Variants in MICU1 observed in about 807,000 individuals in gnomAD.
The protein encoded by MICU1 is calcium uptake protein 1, mitochondrial.
In MICU1, 45 loss-of-function variants were observed where a neutral mutation model predicts 56.8. The observed-to-expected ratio is 0.79, with a 90% CI of 0.62 to 1.02. The LOEUF is 1.02. Among genes scored for constraint, MICU1 ranks in the 50% least tolerant of loss-of-function variants. The pLI is 0.00. For missense variants in MICU1, 504 were observed against 587.1 expected, an observed-to-expected ratio of 0.86 and a Z score of 1.46; for synonymous variants, 186 against 195.1, an observed-to-expected ratio of 0.95 and a Z score of 0.39.
Position 72,523,669 on chromosome 10 carries a change from A to G in MICU1, c.537+10077T>C, listed in dbSNP as rs541081744. On this transcript the variant is annotated intron_variant, in intron 5 of 11. Coordinates refer to ENST00000361114, the MANE Select transcript of MICU1 (RefSeq NM_001195518.2). ...GCTTAATTTATATTTAATTACTACAACTCAGTTTAATTTATATTTTTAAGA... is the reference window on the plus strand; with the variant it reads ...GCTTAATTTATATTTAATTACTACAGCTCAGTTTAATTTATATTTTTAAGA... 3.7e-5 allele frequency: 20 copies of G among 541,070 alleles called. No individual in the cohort carries two copies. In the Middle Eastern group the frequency reaches 1.6e-3, roughly 43 times the overall value. The allele number at this position is 541,070 out of a possible 1,614,324, so 33.5% of individuals were successfully genotyped here.
chr10:72,375,465 G>GTGC (rs1431172466), intron 11 of MICU1, among the ~76,000 whole-genome samples: 2 of 152,224 alleles, frequency 1.3e-5, no homozygotes, highest in African/African-American at 4.8e-5. Flanking sequence ...AGATACCTGA[G>GTGC]TGCTCCGTAT....
chr10:72,508,702 A>C (rs1311689151), intron 5 of MICU1: 3 of 152,784 alleles, frequency 2.0e-5, no homozygotes, highest in African/African-American at 7.2e-5. Flanking sequence ...GAAAGAAAGA[A>C]GTGAGCAACT....
rs1028791728 is a variant in MICU1 at position 72,601,248 on chromosome 10, C to T, written c.-2+24762G>A. ...ACCAGCCTGGGCAAAATAAGGAGAC[C>T]CTGTATCTACAAAAACTAAAAATAA... On this transcript the variant is annotated intron_variant, in intron 1 of 11. Coordinates refer to ENST00000361114, the MANE Select transcript of MICU1 (RefSeq NM_001195518.2). 3.3e-5 allele frequency among the ~76,000 whole-genome samples: 5 copies of T among 151,668 alleles called. No individual in the cohort carries two copies. The East Asian group carries it at 7.7e-4, about 23-fold the overall frequency.
At chr10:72,451,158 G>T (rs1385055485) in intron 8 of MICU1, among the ~76,000 whole-genome samples, 2 of 151,068 alleles carry the variant, frequency 1.3e-5, no homozygotes, top group East Asian at 1.9e-4. Context: ...CCAAGTAGCT[G>T]GGATTATGGG....
chr10:72,467,369 A>AGATG (rs1459448602), intron 8 of MICU1, among the ~76,000 whole-genome samples: 1 of 152,158 alleles, frequency 6.6e-6, no homozygotes, highest in East Asian at 1.9e-4. Flanking sequence ...TTTTTAGTAT[A>AGATG]GATGGGGTTT....
intron 4 of MICU1, among the ~76,000 whole-genome samples, chr10:72,548,354 C>T (rs1322658429): frequency 6.6e-6 from 1 of 152,140 alleles, no homozygotes; most frequent in Non-Finnish European, 1.5e-5. Context: ...TTTAAACAAA[C>T]CAACTGTAAC....
intron 1 of MICU1, among the ~76,000 whole-genome samples, chr10:72,573,322 A>AC (rs962871530): frequency 8.0e-5 from 12 of 149,222 alleles, no homozygotes; most frequent in African/African-American, 2.4e-4. Flanking sequence ...AAAAAAAAAA[A>AC]AAAAAAAAAA....
At chr10:72,458,290 T>C (rs1865536448) in intron 8 of MICU1, among the ~76,000 whole-genome samples, 1 of 152,200 alleles carries the variant, frequency 6.6e-6, no homozygotes, top group South Asian at 2.1e-4. Context: ...ATTAATGTTA[T>C]ATGATGTCCA....
intron 8 of MICU1, among the ~76,000 whole-genome samples, chr10:72,435,385 CAA>C (rs34955776): frequency 1.1e-3 from 53 of 48,058 alleles, no homozygotes; most frequent in African/African-American, 2.3e-3. Context: ...GACCCTGTTA[CAA>C]AAAAAAAAAA....
intron 6 of MICU1, among the ~76,000 whole-genome samples, chr10:72,498,702 T>A (rs1489865053): frequency 6.6e-6 from 1 of 152,164 alleles, no homozygotes; most frequent in East Asian, 1.9e-4. Context: ...GCAAACCTCC[T>A]CTCTTCAATA....
chr10:72,424,109 A>AT (rs1468173376), intron 8 of MICU1, among the ~76,000 whole-genome samples: 1 of 118,110 alleles, frequency 8.5e-6, no homozygotes, highest in African/African-American at 2.6e-5. Flanking sequence ...AACAGTGACC[A>AT]TTTCCCCCCC....
At chr10:72,415,633 T>C (rs1486249211) in intron 9 of MICU1, among the ~76,000 whole-genome samples, 1 of 152,222 alleles carries the variant, frequency 6.6e-6, no homozygotes, top group African/African-American at 2.4e-5. Flanking sequence ...GATTTCCTAC[T>C]GTCAATTGGA....
chr10:72,424,233 C>T (rs987763333), intron 8 of MICU1, among the ~76,000 whole-genome samples: 1 of 152,066 alleles, frequency 6.6e-6, no homozygotes, highest in Admixed American at 6.5e-5. Context: ...CTGTCTCAGC[C>T]TCCCGAGTAA....
Position 72,423,284 on chromosome 10 carries a change from T to C in MICU1, c.1021A>G (p.Lys341Glu). 6.2e-7 allele frequency: 1 copy of C among 1,613,988 alleles called. No homozygotes were observed. Among genetic ancestry groups the C allele is most frequent in the South Asian group, 1.1e-5 (1 of 91,080 alleles). ...AGCTGCCTCTGCATGGCGGTCAGCT[T>C]CTTGGACTGCACCCCACTGTAGGCA... ...LLAYSGVQSK[K>E]LTAMQRQLKK... Residue 341 changes from lysine to glutamate, a missense_variant, in exon 9 of 12, where the codon AAG becomes GAG. Transcript: ENST00000361114.
chr10:72,458,102 G>T (rs1865528575), intron 8 of MICU1, among the ~76,000 whole-genome samples: 1 of 151,730 alleles, frequency 6.6e-6, no homozygotes, highest in Admixed American at 6.6e-5. Context: ...GGGAGGCGGA[G>T]GTTGCAGTGA....
At chr10:72,579,700 C>A (rs1381867266) in intron 1 of MICU1, among the ~76,000 whole-genome samples, 1 of 152,076 alleles carries the variant, frequency 6.6e-6, no homozygotes, top group Non-Finnish European at 1.5e-5. Context: ...TTATGCCAAA[C>A]AACCACAGAA....
chr10:72,425,022 T>A (rs1864301969), intron 8 of MICU1, among the ~76,000 whole-genome samples: 1 of 152,250 alleles, frequency 6.6e-6, no homozygotes, highest in South Asian at 2.1e-4. Flanking sequence ...GGATTCAATT[T>A]AAGTGTGATT....
chr10:72,413,355 A>T (rs1243149120), intron 9 of MICU1, among the ~76,000 whole-genome samples: 2 of 152,256 alleles, frequency 1.3e-5, no homozygotes, highest in South Asian at 2.1e-4. Context: ...ATCAAAATTT[A>T]AAAAATTTGT....
intron 5 of MICU1, among the ~76,000 whole-genome samples, chr10:72,521,126 A>T (rs115632297): frequency 2.0e-5 from 3 of 152,082 alleles, no homozygotes; most frequent in Non-Finnish European, 4.4e-5. Context: ...CTCAAGTAAA[A>T]ATCTTGAAAA....
Sources: allele counts gnomAD v4.1 joint callset (sites outside exome capture counted in the v4.1 genomes callset), GRCh38; gene constraint gnomAD v4.1.1; transcripts MANE v1.5; gene names NCBI Gene and HGNC (gene_info 2026-07-23, HGNC 2026-07-21).